DNAH6: variants seen among roughly 807,000 people sequenced by gnomAD.
DNAH6 encodes axonemal beta dynein heavy chain 6.
DNAH6 carries 340 observed loss-of-function variants against 491.4 expected under a neutral mutation model. That is an observed-to-expected ratio of 0.69 (90% confidence interval 0.63 to 0.76). DNAH6 has a LOEUF of 0.76. DNAH6 is among the 30% of genes least tolerant of loss of function. The pLI, the probability that DNAH6 is intolerant of heterozygous loss-of-function variation, is 0.00. For synonymous variants in DNAH6, 1,603 were observed against 1,686.1 expected (o/e 0.95, Z 1.21); for missense variants, 4,443 against 4,972.2 (o/e 0.89, Z 3.20).
chr2:84,692,484 A>ATAG (rs1558918021), intron 45 of DNAH6, among the ~76,000 whole-genome samples: 15 of 150,354 alleles, frequency 1.0e-4, no homozygotes, highest in African/African-American at 3.7e-4. Context: ...TAGATAGATA[A>ATAG]ATTTCCCAGA....
At chr2:84,644,056 G>A (rs535710958) in intron 33 of DNAH6, among the ~76,000 whole-genome samples, 6 of 152,178 alleles carry the variant, frequency 3.9e-5, no homozygotes, top group Non-Finnish European at 8.8e-5. Context: ...TGCAGCAGGA[G>A]AGAAAGTGTT....
chr2:84,609,238 G>A (rs1159408081), intron 21 of DNAH6, among the ~76,000 whole-genome samples: 1 of 152,158 alleles, frequency 6.6e-6, no homozygotes, highest in African/African-American at 2.4e-5. Flanking sequence ...CTACACTGAA[G>A]TTGCATTTTT....
the DNAH6 span, among the ~76,000 whole-genome samples, chr2:84,476,884 G>C: frequency 4.1e-3 from 628 of 152,276 alleles, 5 homozygotes; most frequent in African/African-American, 0.014. Flanking sequence ...ACTTTGTCCT[G>C]TTGTTACCCT....
rs1694169022 is a variant in DNAH6, at chr2:84,685,377, G to A, written c.6968G>A (p.Arg2323Lys). Residue 2323 changes from arginine to lysine, a missense_variant, in exon 43 of 77, where the codon AGA (arginine) becomes AAA (lysine). Arg to Lys is a conservative substitution (Grantham distance 26). Transcript: ENST00000389394. The part of the protein sequence containing the change: ...GTIREEIQIF[R>K]LFCHECQRVF... ...ATAAGAGAAGAAATTCAGATATTTA[G>A]ACTCTTTTGCCATGAGTGCCAAAGG... 4 of 1,526,116 alleles carry A rather than the reference G, an allele frequency of 2.6e-6. No individual in the cohort carries two copies. In the African/African-American group the frequency reaches 5.5e-5, roughly 21 times the overall value. The allele number at this position is 1,526,116 out of a possible 1,614,324, so 94.5% of individuals were successfully genotyped here. A position where few individuals can be genotyped will look rare whatever the true frequency, so the allele number is the denominator to read the frequency against.
chr2:84,665,520 G>A (rs1309899083), intron 37 of DNAH6, among the ~76,000 whole-genome samples: 3 of 152,078 alleles, frequency 2.0e-5, no homozygotes, highest in Non-Finnish European at 4.4e-5. Context: ...TAAATTCCTG[G>A]ACACATACAC....
intron 47 of DNAH6, chr2:84,697,954 G>A: frequency 1.9e-6 from 1 of 537,368 alleles, no homozygotes; most frequent in Non-Finnish European, 3.3e-6. Flanking sequence ...TTGCCCCACA[G>A]AGGTCATAGT....
intron 4 of DNAH6, among the ~76,000 whole-genome samples, chr2:84,533,974 G>T (rs893630392): frequency 2.6e-5 from 4 of 152,102 alleles, no homozygotes; most frequent in Admixed American, 1.3e-4. Flanking sequence ...GGAGCTAGCT[G>T]TGTGTGAACC....
At chr2:84,612,992 A>C (rs59063069) in intron 22 of DNAH6, among the ~76,000 whole-genome samples, 1,678 of 152,126 alleles carry the variant, frequency 0.011, 28 homozygotes, top group African/African-American at 0.037. Flanking sequence ...TTGTTATAAA[A>C]TATAACTTCT....
intron 61 of DNAH6, among the ~76,000 whole-genome samples, chr2:84,730,283 G>C (rs1252747884): frequency 6.6e-6 from 1 of 152,130 alleles, no homozygotes; most frequent in Non-Finnish European, 1.5e-5. Context: ...TTAGAGTTTA[G>C]GGACAAACAG....
rs759843707 is a variant in DNAH6 at position 84,640,587 on chromosome 2, C to T, written c.4970+9C>T. 4 of 1,540,726 alleles carry T rather than the reference C, an allele frequency of 2.6e-6. No individual in the cohort carries two copies. The highest frequency in any genetic ancestry group is 2.5e-5 in the East Asian group (1 of 40,732). On this transcript the variant is annotated intron_variant, in intron 32 of 76. Transcript: ENST00000389394. Reference sequence around the variant, plus strand: ...GTCCTGGTCATGGCTGGGTAAGAAACCAAAGTAGTCAAGAGTGAAATCCCA... The same window carrying T: ...GTCCTGGTCATGGCTGGGTAAGAAATCAAAGTAGTCAAGAGTGAAATCCCA...
At chr2:84,590,519 G>T (rs1456304961) in intron 16 of DNAH6, among the ~76,000 whole-genome samples, 2 of 90,946 alleles carry the variant, frequency 2.2e-5, no homozygotes, top group African/African-American at 6.7e-5. Flanking sequence ...AAAAAAAAAA[G>T]CTACAACTCA....
At chr2:84,743,536 A>G (rs961144024) in intron 62 of DNAH6, among the ~76,000 whole-genome samples, 5 of 152,180 alleles carry the variant, frequency 3.3e-5, no homozygotes, top group African/African-American at 9.7e-5. Context: ...AATATACATT[A>G]TTAAGCTAGG....
At chr2:84,738,681 G>A (rs1192320) in intron 62 of DNAH6, among the ~76,000 whole-genome samples, 5,473 of 151,904 alleles carry the variant, frequency 0.036, 149 homozygotes, top group South Asian at 0.063. Flanking sequence ...TTTCCGTTGC[G>A]TGACATATCT....
chr2:84,573,936 T>C (rs1022754566), intron 12 of DNAH6, among the ~76,000 whole-genome samples: 1 of 152,200 alleles, frequency 6.6e-6, no homozygotes, highest in Non-Finnish European at 1.5e-5. Flanking sequence ...AAAGTTTACA[T>C]AAGCTTTTCT....
chr2:84,529,023 C>T lies in DNAH6; in HGVS notation c.519C>T (p.His173=), dbSNP rs376060265. The change falls in exon 4 of 77, where the codon CAC becomes CAT. Residue 173 remains histidine, a synonymous_variant. Coordinates refer to ENST00000389394, the MANE Select transcript of DNAH6 (RefSeq NM_001370.2). The part of the protein sequence containing the change: ...RSSAYPKYTF[H]DREEVVKANI... ...CAGCTTACCCTAAGTACACTTTTCA[C>T]GACCGAGAAGAAGTTGTTAAAGCCA... is the stretch of plus-strand genomic sequence containing the variant. The T allele has an allele frequency of 3.8e-4, 593 of 1,551,192 alleles. No individual in the cohort carries two copies. Among genetic ancestry groups the T allele is most frequent in the Non-Finnish European group, 4.8e-4 (548 of 1,146,784 alleles).
In DNAH6 at chr2:84,557,859, C is replaced by T. The variant is rs767647506; in HGVS notation, c.1727C>T (p.Thr576Ile). 1.8e-5 allele frequency: 29 copies of T among 1,612,674 alleles called. No homozygotes were observed. In the Middle Eastern group the frequency reaches 5.0e-4, roughly 28 times the overall value. ...PYINNKLEGK[T>I]CGTGPSLAAV... is the part of the protein sequence containing the mutation. ...ATTAACAACAAACTTGAAGGAAAAA[C>T]CTGTGGAACTGGGCCAAGTTTAGCA... Residue 576 changes from threonine to isoleucine, a missense_variant, in exon 11 of 77, where the codon ACC (threonine) becomes ATC (isoleucine). Physicochemically the swap from Thr to Ile is moderately conservative, Grantham distance 89. Transcript: ENST00000389394.
At chr2:84,694,612 G>T in intron 46 of DNAH6, 132 bp downstream of exon 46, 2 of 625,776 alleles carry the variant, frequency 3.2e-6, no homozygotes, top group East Asian at 2.8e-5. Flanking sequence ...CCTGCAGCTT[G>T]TAAAAGACTT....
intron 4 of DNAH6, among the ~76,000 whole-genome samples, chr2:84,534,452 T>C (rs1042712276): frequency 6.6e-6 from 1 of 152,134 alleles, no homozygotes; most frequent in African/African-American, 2.4e-5. Context: ...CACCTTCCTG[T>C]TGAACCATCC....
At chr2:84,605,640 C>A in intron 20 of DNAH6, 48 bp downstream of exon 20, 1 of 1,223,082 alleles carries the variant, frequency 8.2e-7, no homozygotes, top group Non-Finnish European at 1.2e-6. Context: ...CCCAGCCACA[C>A]CTAGTCTTAA....
Sources: allele counts gnomAD v4.1 joint callset (sites outside exome capture counted in the v4.1 genomes callset), GRCh38; gene constraint gnomAD v4.1.1; transcripts MANE v1.5; gene names NCBI Gene and HGNC (gene_info 2026-07-23, HGNC 2026-07-21).